Variants in FER observed in about 807,000 individuals in gnomAD.
FER encodes the protein tyrosine-protein kinase Fer.
Under a neutral mutation model 111.0 loss-of-function variants are expected in FER, and 63 were observed. The ratio of observed to expected loss-of-function variants is 0.57; its 90% CI spans 0.46 to 0.70. The LOEUF (loss-of-function observed/expected upper bound fraction) is 0.70. Among genes scored for constraint, FER ranks in the 30% least tolerant of loss-of-function variants. The pLI, the probability that FER is intolerant of heterozygous loss-of-function variation, is 0.00. For synonymous variants in FER, 327 were observed against 313.9 expected (o/e 1.04, Z -0.44); for missense variants, 914 against 954.0 (o/e 0.96, Z 0.55).
chr5:109,089,123 G>A (rs922483417), intron 16 of FER, among the ~76,000 whole-genome samples: 1 of 152,182 alleles, frequency 6.6e-6, no homozygotes, highest in Non-Finnish European at 1.5e-5. Flanking sequence ...ACAGTGGGCT[G>A]TGTATAGGGT....
intron 1 of FER, among the ~76,000 whole-genome samples, chr5:108,753,422 C>T (rs1171629122): frequency 6.6e-6 from 1 of 151,982 alleles, no homozygotes; most frequent in Non-Finnish European, 1.5e-5. Context: ...TATAAATTTA[C>T]TTTAAATGAT....
intron 17 of FER, among the ~76,000 whole-genome samples, chr5:109,119,593 G>A (rs898579089): frequency 1.3e-4 from 20 of 151,998 alleles, no homozygotes; most frequent in South Asian, 4.1e-4. Context: ...TGATCTGTCT[G>A]ATGTTGACAG....
chr5:108,928,451 G>GT, intron 10 of FER, among the ~76,000 whole-genome samples: 1 of 152,234 alleles, frequency 6.6e-6, no homozygotes, highest in African/African-American at 2.4e-5. Context: ...AAATAAATTC[G>GT]TGAGTTCTTG....
intron 3 of FER, among the ~76,000 whole-genome samples, chr5:108,810,613 C>T (rs1757659877): frequency 6.6e-6 from 1 of 152,162 alleles, no homozygotes; most frequent in Non-Finnish European, 1.5e-5. Flanking sequence ...CTCCAGATGC[C>T]TAGACATGGA....
At chr5:108,869,161 A>G (rs1764363515) in intron 6 of FER, among the ~76,000 whole-genome samples, 1 of 152,174 alleles carries the variant, frequency 6.6e-6, no homozygotes, top group Non-Finnish European at 1.5e-5. Flanking sequence ...AAAACATTTC[A>G]TTTATAGACT....
intron 9 of FER, chr5:108,891,372 T>C (rs11958426): frequency 0.29 from 44,799 of 151,922 alleles, 6,914 homozygotes; most frequent in African/African-American, 0.34. Context: ...CTTGTCTTTT[T>C]ATCTTCTCAA....
At chr5:109,075,779 C>T (rs1776274325) in intron 16 of FER, among the ~76,000 whole-genome samples, 1 of 151,922 alleles carries the variant, frequency 6.6e-6, no homozygotes, top group African/African-American at 2.4e-5. Flanking sequence ...CGAAATTAAT[C>T]GTGGTTGGAA....
intron 10 of FER, among the ~76,000 whole-genome samples, chr5:108,943,237 T>A (rs2149615667): frequency 6.6e-6 from 1 of 152,272 alleles, no homozygotes; most frequent in East Asian, 1.9e-4. Context: ...ATGATCAGCG[T>A]AACGCAAATG....
rs553380095 is a variant in FER, at chr5:109,037,595, A to T, written c.1713+117A>T. 25 of 694,964 alleles carry T rather than the reference A, an allele frequency of 3.6e-5. No individual in the cohort carries two copies. In the Admixed American group the frequency reaches 4.4e-4, roughly 12 times the overall value. 43.0% of individuals were successfully genotyped at this position (694,964 alleles called of 1,614,324 possible). ...TTGCCACAAGGCACATTACACATTA[A>T]CTAGAACACAATGCTATATCTTCTC... On this transcript the variant is annotated intron_variant, in intron 14 of 19. Transcript: ENST00000281092.
At chr5:109,153,014 C>G (rs575608238) in intron 17 of FER, among the ~76,000 whole-genome samples, 15 of 151,886 alleles carry the variant, frequency 9.9e-5, no homozygotes, top group African/African-American at 3.4e-4. Context: ...GATACCATAG[C>G]TATATACATG....
At chr5:109,035,056 A>G (rs1168635204) in intron 13 of FER, among the ~76,000 whole-genome samples, 1 of 65,026 alleles carries the variant, frequency 1.5e-5, no homozygotes, top group South Asian at 3.7e-4. Context: ...TTTTTTTTTT[A>G]CTGAGTCTCG....
chr5:109,080,478 A>G (rs1032334443), intron 16 of FER, among the ~76,000 whole-genome samples: 1 of 152,158 alleles, frequency 6.6e-6, no homozygotes, highest in African/African-American at 2.4e-5. Flanking sequence ...TAAACAATGC[A>G]TTACCCATTT....
intron 17 of FER, among the ~76,000 whole-genome samples, chr5:109,145,153 T>G (rs1753939464): frequency 6.6e-6 from 1 of 151,946 alleles, no homozygotes; most frequent in Admixed American, 6.6e-5. Flanking sequence ...CTAGCAAAGC[T>G]CCCTCTCTCC....
intron 13 of FER, among the ~76,000 whole-genome samples, chr5:108,981,275 T>C (rs1459186358): frequency 6.6e-6 from 1 of 152,060 alleles, no homozygotes; most frequent in Non-Finnish European, 1.5e-5. Flanking sequence ...GATTTATATA[T>C]CTTGCTTAAT....
intron 10 of FER, among the ~76,000 whole-genome samples, chr5:108,931,432 A>G (rs1476254938): frequency 2.0e-5 from 3 of 152,122 alleles, no homozygotes; most frequent in African/African-American, 7.2e-5. Flanking sequence ...TGTAGATCCA[A>G]ACTTTCCTGT....
chr5:108,827,005 C>G (rs1180759122), intron 3 of FER, among the ~76,000 whole-genome samples: 1 of 152,060 alleles, frequency 6.6e-6, no homozygotes, highest in Non-Finnish European at 1.5e-5. Flanking sequence ...TTTACTGATT[C>G]AAACAATTTA....
intron 1 of FER, 33 bp from the exon 2 acceptor site, chr5:108,768,060 A>G (rs1752516666): frequency 6.6e-6 from 1 of 152,200 alleles, no homozygotes; most frequent in Admixed American, 6.5e-5. Context: ...CTCTGTAGTG[A>G]ACAGTTCTGA....
chr5:108,911,232 G>A (rs1049447810), intron 10 of FER, among the ~76,000 whole-genome samples: 1 of 151,942 alleles, frequency 6.6e-6, no homozygotes, highest in Non-Finnish European at 1.5e-5. Flanking sequence ...TGATGTTGAG[G>A]TTTTTTTCAT....
chr5:109,143,982 A>T (rs185975458), intron 17 of FER, among the ~76,000 whole-genome samples: 5 of 152,048 alleles, frequency 3.3e-5, no homozygotes, highest in Admixed American at 1.3e-4. Flanking sequence ...CCATTAACAC[A>T]CTGGCTCTTG....
Sources: allele counts gnomAD v4.1 joint callset (sites outside exome capture counted in the v4.1 genomes callset), GRCh38; gene constraint gnomAD v4.1.1; transcripts MANE v1.5; gene names NCBI Gene and HGNC (gene_info 2026-07-23, HGNC 2026-07-21).